Variants in RNF207 observed in about 807,000 individuals in gnomAD.
RNF207 encodes ring finger protein 207, also known as OTTHUMG00000001089.
Under a neutral mutation model 79.0 loss-of-function variants are expected in RNF207, and 72 were observed. The ratio of observed to expected loss-of-function variants is 0.91; its 90% confidence interval spans 0.75 to 1.11. RNF207 has a LOEUF of 1.11. RNF207 is among the 50% of genes least tolerant of loss of function. The pLI, the probability that RNF207 is intolerant of heterozygous loss-of-function variation, is 0.00. For synonymous variants in RNF207, 348 were observed against 366.2 expected (o/e 0.95, Z 0.57); for missense variants, 936 against 855.8 (o/e 1.09, Z -1.17).
intron 17 of RNF207, 39 bp from the exon 18 acceptor site, chr1:6,219,197 G>A (rs777538354): frequency 3.9e-6 from 6 of 1,551,506 alleles, no homozygotes; most frequent in South Asian, 1.2e-5. Context: ...ATGGTGAAAT[G>A]GGGGAGCGGG....
At chr1:6,206,378 C>G (rs1351490991) in intron 1 of RNF207, 76 bp downstream of exon 1, 4 of 604,588 alleles carry the variant, frequency 6.6e-6, no homozygotes, top group African/African-American at 5.8e-5. Flanking sequence ...GGCCCCAGCC[C>G]TAACCTGGGC....
At chr1:6,218,842 C>T (rs1317945323) in intron 17 of RNF207, among the ~76,000 whole-genome samples, 1 of 152,174 alleles carries the variant, frequency 6.6e-6, no homozygotes, top group East Asian at 1.9e-4. Context: ...GAGGACAGCA[C>T]TGTAGAATGA....
chr1:6,211,962 T>G lies in RNF207; in HGVS notation c.1205T>G (p.Leu402Arg), dbSNP rs200938510. 161 of 1,571,368 alleles carry G rather than the reference T, an allele frequency of 1.0e-4. No individual in the cohort carries two copies. The highest frequency in any genetic ancestry group is 1.3e-4 in the Non-Finnish European group (146 of 1,158,764). Residue 402 changes from leucine (L) to arginine (R), a missense_variant, in exon 13 of 18, where the codon CTG becomes CGG. Coordinates refer to ENST00000377939, the MANE Select transcript of RNF207 (RefSeq NM_207396.3). The surrounding 1 kb of genome is among the most constrained non-coding windows in gnomAD (Gnocchi z 4.2). ...GGGTCACCCGTCCAAAAGCCCACGC[T>G]GCACCGGTCCATCAGCACCAAGGTG... ...MSGSPVQKPT[L>R]HRSISTKVLL... is the part of the protein sequence containing the mutation.
chr1:6,212,600 G>A (rs1668221356), intron 14 of RNF207, 82 bp from the exon 15 acceptor site: 1 of 1,356,906 alleles, frequency 7.4e-7, no homozygotes, highest in South Asian at 1.2e-5. Context: ...GTGCTTTGTA[G>A]ATCTGAGTAG....
chr1:6,213,788 A>C (rs551419154), intron 16 of RNF207, among the ~76,000 whole-genome samples: 1 of 152,296 alleles, frequency 6.6e-6, no homozygotes, highest in East Asian at 1.9e-4. Context: ...AAGACAAGCC[A>C]AGTCTGTGCA....
At position 6,210,364 on chromosome 1, in the gene RNF207, C is replaced by T; in HGVS notation, c.874-6C>T. On this transcript the variant is annotated splice_region_variant and splice_polypyrimidine_tract_variant and intron_variant, in intron 9 of 17. Transcript: ENST00000377939. Reference sequence around the variant, plus strand: ...GCCAGGCACTGAGCAGCATCCCCTCCCCCAGGTCCACCTGGTCATCTGCTC... The same window carrying T: ...GCCAGGCACTGAGCAGCATCCCCTCTCCCAGGTCCACCTGGTCATCTGCTC... 1 of 1,612,740 alleles carries T rather than the reference C, an allele frequency of 6.2e-7. No individual in the cohort carries two copies. The highest frequency in any genetic ancestry group is 2.2e-5 in the East Asian group (1 of 44,878).
In RNF207 at chr1:6,212,737, C is replaced by A. The variant is rs751617643; in HGVS notation, c.1534+4C>A. 2 of 1,611,820 alleles carry A rather than the reference C, an allele frequency of 1.2e-6. No individual in the cohort carries two copies. The highest frequency in any genetic ancestry group is 1.7e-6 in the Non-Finnish European group (2 of 1,178,170). On this transcript the variant is annotated splice_donor_region_variant and intron_variant, in intron 15 of 17. Transcript: ENST00000377939. ...AATGAGCAGGAGATTTATGAAGGTT[C>A]CAGACAGTTGGCTGCCGAGTGAACC...
In RNF207 at chr1:6,212,342, A is replaced by T. The variant is rs1668209828; in HGVS notation, c.1408A>T (p.Lys470Ter). The T allele has an allele frequency of 1.2e-6, 2 of 1,613,742 alleles. No individual in the cohort carries two copies. Among genetic ancestry groups the T allele is most frequent in the Non-Finnish European group, 1.7e-6 (2 of 1,179,974 alleles). The change falls in exon 14 of 18, where the codon AAG (lysine) becomes TAG (stop). Residue 470 changes from lysine to a stop codon, truncating the protein, a stop_gained. Coordinates refer to ENST00000377939, the MANE Select transcript of RNF207 (RefSeq NM_207396.3). LOFTEE classifies it high-confidence loss of function. ...GGAGATCATGGGAGACGTCCTGCAC[A>T]AGTCCCTGCAACTGGACGTGCAGAT... ...KAEIMGDVLH[K>*]SLQLDVQIAS... is the part of the protein sequence containing the mutation.
rs1668483491 is a variant in RNF207, at chr1:6,219,639, C to T, written c.*232C>T. On this transcript the variant is annotated 3_prime_UTR_variant, in exon 18 of 18. Transcript: ENST00000377939. ...TCCCGAGTAGCTGGGATTACAGGCG[C>T]CTGACACCACGCCCCGCTAATTTTT... is the stretch of plus-strand genomic sequence containing the variant. The T allele has an allele frequency of 1.1e-5, 3 of 270,392 alleles. No homozygotes were observed. Among genetic ancestry groups the T allele is most frequent in the African/African-American group, 6.8e-5 (3 of 44,234 alleles). The allele number at this position is 270,392 out of a possible 1,614,324, so 16.7% of individuals were successfully genotyped here. A position where few individuals can be genotyped will look rare whatever the true frequency, so the allele number is the denominator to read the frequency against.
chr1:6,220,067 G>T lies in RNF207; in HGVS notation c.*660G>T, dbSNP rs1668500371. ...CCCACCTCGGCCTCCCAAAATGCTG[G>T]GATTACAGGGGTAAGCCACTGTGCC... On this transcript the variant is annotated 3_prime_UTR_variant, in exon 18 of 18. Transcript: ENST00000377939. 2 of 152,192 alleles carry T rather than the reference G, an allele frequency of 1.3e-5. No individual in the cohort carries two copies. Among genetic ancestry groups the T allele is most frequent in the Non-Finnish European group, 2.9e-5 (2 of 68,064 alleles). 9.4% of individuals were successfully genotyped at this position (152,192 alleles called of 1,614,324 possible). A position where few individuals can be genotyped will look rare whatever the true frequency, so the allele number is the denominator to read the frequency against.
rs1037276222 is a variant in RNF207, at chr1:6,217,489, C to T, written c.1653-800C>T. On this transcript the variant is annotated intron_variant, in intron 16 of 17. Transcript: ENST00000377939. This position sits in a 1 kb window ranked among gnomAD's most constrained non-coding sequence, Gnocchi z 4.2. ...GCCCTACCTGGATGTCTACAGGCAC[C>T]GCGAGTTCAGCAGTGGCCAGAATGC... Among the ~76,000 whole-genome samples the T allele has an allele frequency of 1.3e-5, 2 of 152,172 alleles. No individual in the cohort carries two copies. Among genetic ancestry groups the T allele is most frequent in the South Asian group, 2.1e-4 (1 of 4,824 alleles).
intron 14 of RNF207, 124 bp from the exon 15 acceptor site, chr1:6,212,558 G>T: frequency 8.0e-7 from 1 of 1,248,934 alleles, no homozygotes. Context: ...GGGAGTCTTT[G>T]CTGCTTGGAA....
rs1281497534 is a variant in RNF207, at chr1:6,207,630, C to T, written c.324+119C>T. The T allele has an allele frequency of 2.5e-6, 3 of 1,189,510 alleles. No homozygotes were observed. Among genetic ancestry groups the T allele is most frequent in the Non-Finnish European group, 3.6e-6 (3 of 829,384 alleles). The allele number at this position is 1,189,510 out of a possible 1,614,324, so 73.7% of individuals were successfully genotyped here. Reference sequence around the variant, plus strand: ...CGACCTGGCAGTGGATTCTCCAGCACCTCCCTAGGGCACCTTGGCCCCAAA... The same window carrying T: ...CGACCTGGCAGTGGATTCTCCAGCATCTCCCTAGGGCACCTTGGCCCCAAA... On this transcript the variant is annotated intron_variant, in intron 3 of 17. Transcript: ENST00000377939. This position sits in a 1 kb window ranked among gnomAD's most constrained non-coding sequence, Gnocchi z 4.5.
chr1:6,206,431 G>T (rs765438329), intron 1 of RNF207, 105 bp from the exon 2 acceptor site: 16 of 792,466 alleles, frequency 2.0e-5, no homozygotes, highest in Non-Finnish European at 2.3e-5. Context: ...GCCCAGTCGG[G>T]TCCAGGCGCG....
In RNF207 at chr1:6,208,896, T is replaced by C. The variant is rs1319917803; in HGVS notation, c.340T>C (p.Tyr114His). 5 of 1,532,438 alleles carry C rather than the reference T, an allele frequency of 3.3e-6. No individual in the cohort carries two copies. The highest frequency in any genetic ancestry group is 4.4e-6 in the Non-Finnish European group (5 of 1,144,746). The allele number at this position is 1,532,438 out of a possible 1,614,324, so 94.9% of individuals were successfully genotyped here. Residue 114 changes from tyrosine to histidine, a missense_variant, in exon 4 of 18, where the codon TAC (tyrosine) becomes CAC (histidine). Coordinates refer to ENST00000377939, the MANE Select transcript of RNF207 (RefSeq NM_207396.3). ...CGGCCCGCAGGACGTGGAGACCACG[T>C]ACTTCTGCAACACGTGCGGACAGCC... Reference protein sequence around the residue: ...ECSEQDVETTYFCNTCGQPLC... With the variant: ...ECSEQDVETTHFCNTCGQPLC...
chr1:6,219,543 A>T lies in RNF207; in HGVS notation c.*136A>T. 1 of 603,254 alleles carries T rather than the reference A, an allele frequency of 1.7e-6. No homozygotes were observed. Among genetic ancestry groups the T allele is most frequent in the Non-Finnish European group, 2.8e-6 (1 of 361,730 alleles). The allele number at this position is 603,254 out of a possible 1,614,324, so 37.4% of individuals were successfully genotyped here. A position where few individuals can be genotyped will look rare whatever the true frequency, so the allele number is the denominator to read the frequency against. On this transcript the variant is annotated 3_prime_UTR_variant, in exon 18 of 18. Coordinates refer to ENST00000377939, the MANE Select transcript of RNF207 (RefSeq NM_207396.3). ...AGTTTCGCTCTGTTGCCCAGGCTGG[A>T]GTGTAATGGTGCAATCTCGGCTCAC...
In RNF207 at chr1:6,210,081, C is replaced by T. The variant is rs1668096418; in HGVS notation, c.800+111C>T. On this transcript the variant is annotated intron_variant, in intron 8 of 17. Coordinates refer to ENST00000377939, the MANE Select transcript of RNF207 (RefSeq NM_207396.3). ...CTGAGGAGCAAGACATCCGAATGTC[C>T]TCCCAGCTAAGGAGGGCAGCATGGC... 5.2e-6 allele frequency: 7 copies of T among 1,335,376 alleles called. No homozygotes were observed. In the South Asian group the frequency reaches 7.9e-5, roughly 15 times the overall value. 82.7% of individuals were successfully genotyped at this position (1,335,376 alleles called of 1,614,324 possible).
At chr1:6,209,802 G>A (rs1668081962) in intron 7 of RNF207, 122 bp from the exon 8 acceptor site, 1 of 1,122,748 alleles carries the variant, frequency 8.9e-7, no homozygotes, top group Non-Finnish European at 1.3e-6. Flanking sequence ...AGCAGATGCA[G>A]GGCTGGTAGG....
rs1410893146 is a variant in RNF207 at position 6,211,081 on chromosome 1, C to T, written c.1072C>T (p.Pro358Ser). The change falls in exon 12 of 18, where the codon CCA (proline) becomes TCA (serine). Residue 358 changes from proline to serine, a missense_variant. Transcript: ENST00000377939. This position sits in a 1 kb window ranked among gnomAD's most constrained non-coding sequence, Gnocchi z 4.2. ...TCTGGAGCCACTGCTGCTGCTGGGG[C>T]CACGTCGGGTGGCAGCTGCTGCAAG... ...RCLEPLLLLG[P>S]RRVAAAASGA... The T allele has an allele frequency of 6.2e-7, 1 of 1,604,822 alleles. No homozygotes were observed. The highest frequency in any genetic ancestry group is 8.5e-7 in the Non-Finnish European group (1 of 1,178,762).
Sources: allele counts gnomAD v4.1 joint callset (sites outside exome capture counted in the v4.1 genomes callset), GRCh38; gene constraint gnomAD v4.1.1; non-coding constraint Gnocchi (gnomAD v3.1); transcripts MANE v1.5; gene names NCBI Gene and HGNC (gene_info 2026-07-23, HGNC 2026-07-21).